IL4R: variants seen among roughly 807,000 people sequenced by gnomAD.
The protein encoded by IL4R is interleukin-4 receptor subunit alpha.
IL4R carries 17 observed loss-of-function variants against 41.5 expected under a neutral mutation model. That is an observed-to-expected ratio of 0.41 (90% CI 0.28 to 0.61). IL4R has a LOEUF of 0.61. IL4R is among the 20% of genes least tolerant of loss of function. The pLI is 0.31. For missense variants in IL4R, 974 were observed against 1,043.1 expected (o/e 0.93, Z 0.91); for synonymous variants, 402 against 422.9 (o/e 0.95, Z 0.61).
chr16:27,357,936 C>G (rs1596536037), intron 8 of IL4R, among the ~76,000 whole-genome samples: 1 of 151,514 alleles, frequency 6.6e-6, no homozygotes, highest in Non-Finnish European at 1.5e-5. Context: ...TGTTGTCCCC[C>G]AGGCTGGAGT....
chr16:27,357,987 G>A (rs1030692052), intron 8 of IL4R, among the ~76,000 whole-genome samples: 22 of 151,344 alleles, frequency 1.5e-4, no homozygotes, highest in Admixed American at 9.2e-4. Flanking sequence ...TCCGCCTTCC[G>A]GGTTCAAGCG....
At chr16:27,321,448 T>G (rs1464165488) in intron 1 of IL4R, among the ~76,000 whole-genome samples, 1 of 152,174 alleles carries the variant, frequency 6.6e-6, no homozygotes, top group Admixed American at 6.5e-5. Flanking sequence ...GCAAAGACTG[T>G]TTGTTTGGTC....
At chr16:27,351,551 G>A (rs1048012028) in intron 6 of IL4R, among the ~76,000 whole-genome samples, 2 of 132,974 alleles carry the variant, frequency 1.5e-5, no homozygotes, top group Non-Finnish European at 3.1e-5. Flanking sequence ...TCGTCACTCT[G>A]TCACCCAGGC....
At position 27,363,090 on chromosome 16, in the gene IL4R, C is replaced by T; in HGVS notation, c.1738C>T (p.His580Tyr). The T allele has an allele frequency of 6.2e-7, 1 of 1,614,134 alleles. No homozygotes were observed. The highest frequency in any genetic ancestry group is 8.5e-7 in the Non-Finnish European group (1 of 1,180,046). The change falls in exon 11 of 11, where the codon CAT becomes TAT. Residue 580 changes from histidine (H) to tyrosine (Y), a missense_variant. His to Tyr is a moderately conservative substitution (Grantham distance 83, BLOSUM62 2). This residue lies in a region of IL4R where 682 missense variants were observed against 704.3 expected (regional missense o/e 0.97). Coordinates refer to ENST00000395762, the MANE Select transcript of IL4R (RefSeq NM_000418.4). ...CACCAGTGGCTATCAGGAGTTTGTA[C>T]ATGCGGTGGAGCAGGGTGGCACCCA... ...APTSGYQEFVHAVEQGGTQAS... is the reference protein window; with the variant it reads ...APTSGYQEFVYAVEQGGTQAS...
At position 27,352,853 on chromosome 16, in the gene IL4R, G is replaced by A. The variant is rs987325518; in HGVS notation, c.670+157G>A. ...TACACCTGCCGTGGTGTATCTGCCA[G>A]GTAGGCAGGCTAGGCTGCAGTAACA... On this transcript the variant is annotated intron_variant, in intron 7 of 10. Coordinates refer to ENST00000395762, the MANE Select transcript of IL4R (RefSeq NM_000418.4). Among the ~76,000 whole-genome samples, 48 of 152,192 alleles carry A rather than the reference G, an allele frequency of 3.2e-4. 1 individual carries two copies. The highest frequency in any genetic ancestry group is 1.2e-4 in the Non-Finnish European group (8 of 68,036).
chr16:27,344,737 A>T, intron 4 of IL4R, 132 bp from the exon 5 acceptor site: 1 of 967,010 alleles, frequency 1.0e-6, no homozygotes, highest in Non-Finnish European at 1.5e-6. Flanking sequence ...CCAAGCCCCC[A>T]GATCTGTCCT....
chr16:27,352,608 G>A lies in IL4R; in HGVS notation c.582G>A (p.Gly194=), dbSNP rs771293254. 83 of 1,614,036 alleles carry A rather than the reference G, an allele frequency of 5.1e-5. No homozygotes were observed. Among genetic ancestry groups the A allele is most frequent in the Non-Finnish European group, 6.4e-5 (76 of 1,179,994 alleles). The change falls in exon 7 of 11, where the codon GGG becomes GGA. Residue 194 remains glycine, a synonymous_variant. Transcript: ENST00000395762. ...LRIAASTLKS[G]ISYRARVRAW... ...TCGCAGCCAGCACCCTGAAGTCTGG[G>A]ATTTCCTACAGGGCACGGGTGAGGG...
At chr16:27,321,882 A>G (rs543126332) in intron 1 of IL4R, among the ~76,000 whole-genome samples, 17 of 151,982 alleles carry the variant, frequency 1.1e-4, no homozygotes, top group Admixed American at 7.9e-4. Flanking sequence ...TTTATTGTTG[A>G]TTTCTAAATT....
At chr16:27,340,855 G>T (rs1269158812) in intron 3 of IL4R, among the ~76,000 whole-genome samples, 1 of 152,234 alleles carries the variant, frequency 6.6e-6, no homozygotes, top group Non-Finnish European at 1.5e-5. Flanking sequence ...CTTGGAGGAA[G>T]CGGGAACCGT....
chr16:27,353,092 C>G (rs923396535), intron 7 of IL4R, among the ~76,000 whole-genome samples: 1 of 152,150 alleles, frequency 6.6e-6, no homozygotes, highest in African/African-American at 2.4e-5. Context: ...CTGGTGAAGC[C>G]TATGGACCTC....
chr16:27,340,257 G>A lies in IL4R; in HGVS notation c.54G>A (p.Leu18=). 6.2e-7 allele frequency: 1 copy of A among 1,613,942 alleles called. No individual in the cohort carries two copies. The highest frequency in any genetic ancestry group is 8.5e-7 in the Non-Finnish European group (1 of 1,179,862). ...TCCCTGTGAGCTGCCTGGTCCTGCT[G>A]CAGGTGGCAAGCTCTGGTAAGTCAC... ...LLFPVSCLVL[L]QVASSGNMKV... is the part of the protein sequence containing the mutation. Residue 18 remains leucine (L), a synonymous_variant, in exon 3 of 11, where the codon CTG becomes CTA. Transcript: ENST00000395762.
At chr16:27,314,157 C>T (rs1410630000) in intron 1 of IL4R, 137 bp downstream of exon 1, 5 of 954,780 alleles carry the variant, frequency 5.2e-6, no homozygotes, top group Non-Finnish European at 6.2e-6. Flanking sequence ...CCCGAGCCCG[C>T]GACTCTCGGT....
At chr16:27,318,425 T>TGAGGAGGTGACATTTGAGAGG (rs1378379038) in intron 1 of IL4R, among the ~76,000 whole-genome samples, 6 of 140,054 alleles carry the variant, frequency 4.3e-5, no homozygotes, top group Non-Finnish European at 8.0e-5. Flanking sequence ...AGGGCTTCCC[T>TGAGGAGGTGACATTTGAGAGG]GAGGAGGTGA....
intron 1 of IL4R, among the ~76,000 whole-genome samples, chr16:27,315,066 G>A (rs1279994042): frequency 1.3e-5 from 2 of 152,030 alleles, no homozygotes; most frequent in African/African-American, 2.4e-5. Context: ...ATGCCCCCAG[G>A]CCAGCGCTAA....
At chr16:27,338,203 C>T (rs912109375) in intron 2 of IL4R, among the ~76,000 whole-genome samples, 2 of 151,648 alleles carry the variant, frequency 1.3e-5, no homozygotes, top group Admixed American at 1.3e-4. Flanking sequence ...GATCCGCCCA[C>T]CTCAGCCTCC....
intron 2 of IL4R, among the ~76,000 whole-genome samples, chr16:27,332,199 A>G (rs1287067323): frequency 6.6e-6 from 1 of 152,066 alleles, no homozygotes. Context: ...GGACATGCCC[A>G]AGACTGGGTA....
intron 7 of IL4R, among the ~76,000 whole-genome samples, chr16:27,353,909 C>A (rs2085963393): frequency 6.6e-6 from 1 of 152,200 alleles, no homozygotes. Flanking sequence ...TACCTGCAGC[C>A]ATGTTGGTCC....
intron 10 of IL4R, among the ~76,000 whole-genome samples, chr16:27,361,574 G>A (rs2086284889): frequency 6.6e-6 from 1 of 151,756 alleles, no homozygotes; most frequent in East Asian, 1.9e-4. Context: ...AACTAAAGGG[G>A]GTCCAGGACC....
chr16:27,352,510 G>T (rs202130544), intron 6 of IL4R, 30 bp from the exon 7 acceptor site: 2 of 1,608,528 alleles, frequency 1.2e-6, no homozygotes, highest in Non-Finnish European at 1.7e-6. Flanking sequence ...CCCCCGGCTG[G>T]TGCCCTAACA....
Sources: allele counts gnomAD v4.1 joint callset (sites outside exome capture counted in the v4.1 genomes callset), GRCh38; gene constraint gnomAD v4.1.1; regional missense constraint gnomAD v4.1.1; transcripts MANE v1.5; gene names NCBI Gene and HGNC (gene_info 2026-07-23, HGNC 2026-07-21).